The following PDE9A variants were observed in gnomAD, a reference collection of about 807,000 sequenced individuals.
PDE9A encodes high affinity cGMP-specific 3',5'-cyclic phosphodiesterase 9A.
Under a neutral mutation model 87.4 loss-of-function variants are expected in PDE9A, and 60 were observed. The observed-to-expected ratio is 0.69, with a 90% CI of 0.56 to 0.85. The LOEUF (loss-of-function observed/expected upper bound fraction) is 0.85. Among genes scored for constraint, PDE9A ranks in the 40% least tolerant of loss-of-function variants. The pLI, the probability that PDE9A is intolerant of heterozygous loss-of-function variation, is 0.00. For missense variants in PDE9A, 665 were observed against 779.0 expected, an observed-to-expected ratio of 0.85 and a Z score of 1.74; for synonymous variants, 272 against 279.4, an observed-to-expected ratio of 0.97 and a Z score of 0.27.
At chr21:42,671,166 G>C (rs897427603) in intron 1 of PDE9A, among the ~76,000 whole-genome samples, 2 of 152,116 alleles carry the variant, frequency 1.3e-5, no homozygotes, top group Admixed American at 6.6e-5. Flanking sequence ...TGCTGGGGAG[G>C]TTGGGGCCCA....
At chr21:42,746,545 G>C (rs1325255417) in intron 8 of PDE9A, among the ~76,000 whole-genome samples, 1 of 152,192 alleles carries the variant, frequency 6.6e-6, no homozygotes, top group African/African-American at 2.4e-5. Context: ...TATTGGAGTA[G>C]GGGTCACCCT....
intron 4 of PDE9A, among the ~76,000 whole-genome samples, chr21:42,710,178 C>T (rs1005040251): frequency 5.9e-5 from 9 of 151,886 alleles, no homozygotes; most frequent in Non-Finnish European, 5.9e-5. Context: ...GAGGCCGAGG[C>T]GGGCGGATCA....
At position 42,762,164 on chromosome 21, in the gene PDE9A, C is replaced by T. The variant is rs1374025273; in HGVS notation, c.1167C>T (p.Ala389=). The change falls in exon 14 of 20, where the codon GCC becomes GCT. Residue 389 remains alanine (A), a synonymous_variant. Coordinates refer to ENST00000291539, the MANE Select transcript of PDE9A (RefSeq NM_002606.3). ...SPLENHHCAV[A]FQILAEPECN... ...TGGAGAACCACCACTGCGCCGTGGCCTTCCAGATCCTCGCCGAGCCTGAGT... is the reference window on the plus strand; with the variant it reads ...TGGAGAACCACCACTGCGCCGTGGCTTTCCAGATCCTCGCCGAGCCTGAGT... 3.7e-6 allele frequency: 6 copies of T among 1,614,058 alleles called. No individual in the cohort carries two copies. The highest frequency in any genetic ancestry group is 5.1e-6 in the Non-Finnish European group (6 of 1,180,006).
At chr21:42,754,089 A>G in intron 10 of PDE9A, 25 bp downstream of exon 10, 1 of 1,533,742 alleles carries the variant, frequency 6.5e-7, no homozygotes, top group Non-Finnish European at 9.0e-7. Context: ...TGCAGGCACC[A>G]CGTCCCAGGG....
At chr21:42,768,913 G>A in intron 16 of PDE9A, 114 bp from the exon 17 acceptor site, 2 of 1,502,220 alleles carry the variant, frequency 1.3e-6, no homozygotes, top group South Asian at 1.3e-5. Flanking sequence ...CACATTTGTG[G>A]TGTGGTTTGG....
chr21:42,772,115 A>C lies in PDE9A; in HGVS notation c.1687-324A>C, dbSNP rs559956750. Among the ~76,000 whole-genome samples the C allele has an allele frequency of 1.2e-4, 19 of 152,270 alleles. No individual in the cohort carries two copies. In the South Asian group the frequency reaches 2.7e-3, roughly 22 times the overall value. ...TGCCTTCCCCCCTGTCAGCCCCCAC[A>C]AAAAGGAGAGACACGCCAAAGAGGT... On this transcript the variant is annotated intron_variant, in intron 18 of 19. Coordinates refer to ENST00000291539, the MANE Select transcript of PDE9A (RefSeq NM_002606.3).
Position 42,723,087 on chromosome 21 carries a change from C to A in PDE9A, c.263-8683C>A, listed in dbSNP as rs1039983252. Among the ~76,000 whole-genome samples, 9 of 152,250 alleles carry A rather than the reference C, an allele frequency of 5.9e-5. No individual in the cohort carries two copies. Among genetic ancestry groups the A allele is most frequent in the Non-Finnish European group, 8.8e-5 (6 of 68,038 alleles). On this transcript the variant is annotated intron_variant, in intron 4 of 19. Transcript: ENST00000291539. The surrounding 1 kb of genome is among the most constrained non-coding windows in gnomAD (Gnocchi z 4.3). ...GGTGTCCATCCTGCCACCCACACAG[C>A]TGCGTCCTGCCCAGGAATGAGGCTG... is the stretch of plus-strand genomic sequence containing the variant.
rs1569175342 is a variant in PDE9A, at chr21:42,704,458, A to ACACACACG, written c.262+5454_262+5455insGCACACAC. Among the ~76,000 whole-genome samples the ACACACACG allele has an allele frequency of 6.6e-6, 1 of 151,214 alleles. No individual in the cohort carries two copies. The highest frequency in any genetic ancestry group is 2.4e-5 in the African/African-American group (1 of 41,082). ...AACACACACACACACACACACACAC[A>ACACACACG]CACACACACACAGCTTTCCTGAGAA... On this transcript the variant is annotated intron_variant, in intron 4 of 19. Transcript: ENST00000291539. The surrounding 1 kb of genome is among the most constrained non-coding windows in gnomAD (Gnocchi z 5.3).
chr21:42,678,791 C>T (rs944169394), intron 1 of PDE9A, among the ~76,000 whole-genome samples: 1 of 152,206 alleles, frequency 6.6e-6, no homozygotes, highest in African/African-American at 2.4e-5. Context: ...GTGCAGCAGA[C>T]AGGACCGTCT....
In PDE9A at chr21:42,696,453, A is replaced by T. The variant is rs2060143414; in HGVS notation, c.219-2515A>T. 6.6e-6 allele frequency among the ~76,000 whole-genome samples: 1 copy of T among 152,234 alleles called. No individual in the cohort carries two copies. The highest frequency in any genetic ancestry group is 2.4e-5 in the African/African-American group (1 of 41,458). Reference sequence around the variant, plus strand: ...CCTTGCTGCTCCTCAGAGAAGACACAGGAGAAGAAAGTCGGAGAGGAGTGG... The same window carrying T: ...CCTTGCTGCTCCTCAGAGAAGACACTGGAGAAGAAAGTCGGAGAGGAGTGG... On this transcript the variant is annotated intron_variant, in intron 3 of 19. Transcript: ENST00000291539. This position sits in a 1 kb window ranked among gnomAD's most constrained non-coding sequence, Gnocchi z 5.1.
intron 9 of PDE9A, among the ~76,000 whole-genome samples, chr21:42,753,050 A>G (rs943839939): frequency 3.9e-5 from 6 of 152,014 alleles, no homozygotes; most frequent in African/African-American, 1.2e-4. Context: ...TCTGTCGCCC[A>G]GGCTGGTGTG....
At chr21:42,693,178 A>G (rs1334216617) in intron 3 of PDE9A, among the ~76,000 whole-genome samples, 3 of 152,168 alleles carry the variant, frequency 2.0e-5, no homozygotes, top group Non-Finnish European at 4.4e-5. Flanking sequence ...CATGCCCGTC[A>G]ATTTGTGCTT....
At chr21:42,726,618 A>ATTTTTTTTTTTTTTTTTTTTTTT (rs1486108848) in intron 4 of PDE9A, among the ~76,000 whole-genome samples, 1 of 23,048 alleles carries the variant, frequency 4.3e-5, no homozygotes, top group African/African-American at 3.3e-4. Flanking sequence ...ATATATATAT[A>ATTTTTTTTTTTTTTTTTTTTTTT]TATATATTTT....
chr21:42,746,551 A>G (rs933896006), intron 8 of PDE9A, among the ~76,000 whole-genome samples: 4 of 152,262 alleles, frequency 2.6e-5, no homozygotes, highest in Admixed American at 2.0e-4. Flanking sequence ...AGTAGGGGTC[A>G]CCCTCCTCCA....
chr21:42,739,736 A>G lies in PDE9A; in HGVS notation c.569-4040A>G, dbSNP rs541784979. ...GATCTCGGTGGACTCTGCACTGTCA[A>G]TACAAACGCTATGCACCCATCAAAA... On this transcript the variant is annotated intron_variant, in intron 7 of 19. Transcript: ENST00000291539. This position sits in a 1 kb window ranked among gnomAD's most constrained non-coding sequence, Gnocchi z 4.1. 3.3e-5 allele frequency among the ~76,000 whole-genome samples: 5 copies of G among 152,282 alleles called. No individual in the cohort carries two copies. Among genetic ancestry groups the G allele is most frequent in the East Asian group, 1.9e-4 (1 of 5,178 alleles).
chr21:42,666,674 G>A (rs780934920), intron 1 of PDE9A, among the ~76,000 whole-genome samples: 1 of 152,186 alleles, frequency 6.6e-6, no homozygotes, highest in Admixed American at 6.5e-5. Context: ...CCGAGCCTCT[G>A]CATGTCTGTG....
intron 7 of PDE9A, among the ~76,000 whole-genome samples, chr21:42,735,997 C>A (rs2052369006): frequency 6.6e-6 from 1 of 152,032 alleles, no homozygotes; most frequent in African/African-American, 2.4e-5. Context: ...AGAGTCCCCA[C>A]CCCTCTTTAC....
chr21:42,737,715 C>T (rs920883000), intron 7 of PDE9A, among the ~76,000 whole-genome samples: 9 of 152,204 alleles, frequency 5.9e-5, no homozygotes, highest in African/African-American at 1.9e-4. Context: ...GCCTCGGCCT[C>T]CCAAAGTGCT....
At chr21:42,725,358 G>T (rs1209907192) in intron 4 of PDE9A, among the ~76,000 whole-genome samples, 1 of 152,096 alleles carries the variant, frequency 6.6e-6, no homozygotes, top group African/African-American at 2.4e-5. Flanking sequence ...TCCTGCCTCA[G>T]TCTCCTGAGT....
Sources: allele counts gnomAD v4.1 joint callset (sites outside exome capture counted in the v4.1 genomes callset), GRCh38; gene constraint gnomAD v4.1.1; non-coding constraint Gnocchi (gnomAD v3.1); transcripts MANE v1.5; gene names NCBI Gene and HGNC (gene_info 2026-07-23, HGNC 2026-07-21).